STX17: variants seen among roughly 807,000 people sequenced by gnomAD.
The protein encoded by STX17 is syntaxin-17.
A neutral mutation model predicts 35.9 loss-of-function variants in STX17; 29 were observed. That is an observed-to-expected ratio of 0.81 (90% CI 0.60 to 1.10). The LOEUF is 1.10. Among genes scored for constraint, STX17 ranks in the 50% least tolerant of loss-of-function variants. STX17 has a pLI of 0.00. For missense variants in STX17, 312 were observed against 352.3 expected (o/e 0.89, Z 0.92); for synonymous variants, 92 against 118.3 (o/e 0.78, Z 1.44).
chr9:99,968,130 A>T (rs1382017612), intron 7 of STX17, among the ~76,000 whole-genome samples: 1 of 152,212 alleles, frequency 6.6e-6, no homozygotes, highest in Non-Finnish European at 1.5e-5. Context: ...CTTTGGGGGA[A>T]ATCTGTGGCT....
intron 6 of STX17, among the ~76,000 whole-genome samples, chr9:99,964,767 G>T (rs1587942700): frequency 6.6e-6 from 1 of 152,144 alleles, no homozygotes; most frequent in East Asian, 1.9e-4. Context: ...ATAGTGGACA[G>T]GTAGTGACCC....
At chr9:99,962,565 A>G (rs532999980) in intron 6 of STX17, among the ~76,000 whole-genome samples, 3 of 152,328 alleles carry the variant, frequency 2.0e-5, no homozygotes, top group South Asian at 2.1e-4. Flanking sequence ...GTTCTTACTC[A>G]GTACAAACAC....
chr9:99,945,022 A>G (rs1157727511), intron 3 of STX17, among the ~76,000 whole-genome samples: 2 of 152,196 alleles, frequency 1.3e-5, no homozygotes, highest in Non-Finnish European at 2.9e-5. Flanking sequence ...CTTAGTGTAT[A>G]ATCAATTTTT....
At chr9:99,926,101 T>C (rs989341481) in intron 2 of STX17, among the ~76,000 whole-genome samples, 4 of 152,090 alleles carry the variant, frequency 2.6e-5, no homozygotes, top group African/African-American at 9.6e-5. Flanking sequence ...TTGTCTTATC[T>C]GCTATTAATC....
chr9:99,963,592 C>T (rs1015465143), intron 6 of STX17, among the ~76,000 whole-genome samples: 3 of 152,154 alleles, frequency 2.0e-5, no homozygotes, highest in Non-Finnish European at 2.9e-5. Context: ...ATTCTGTTCC[C>T]TTCCACTGAC....
intron 2 of STX17, among the ~76,000 whole-genome samples, chr9:99,922,393 A>G (rs922546607): frequency 6.6e-6 from 1 of 152,196 alleles, no homozygotes; most frequent in Admixed American, 6.5e-5. Flanking sequence ...CATTTTCCCC[A>G]ACGCCTATCT....
intron 3 of STX17, among the ~76,000 whole-genome samples, chr9:99,940,154 C>G (rs1829320781): frequency 6.6e-6 from 1 of 152,014 alleles, no homozygotes; most frequent in South Asian, 2.1e-4. Flanking sequence ...TTTTGAGAGG[C>G]AGTCTCGCTC....
rs1358861287 is a variant in STX17, at chr9:99,971,656, CAGGAATGTTAACT to C, written c.*2987_*2999del. On this transcript the variant is annotated 3_prime_UTR_variant, in exon 8 of 8. Coordinates refer to ENST00000259400, the MANE Select transcript of STX17 (RefSeq NM_017919.3). ...TTACTCAACTACAAAGGGGTGAAGC[CAGGAATGTTAACT>C]AGGTCTGTTGAGCTACAAAAACTTT... 2.0e-5 allele frequency among the ~76,000 whole-genome samples: 3 copies of C among 152,212 alleles called. No homozygotes were observed. Among genetic ancestry groups the C allele is most frequent in the Admixed American group, 2.0e-4 (3 of 15,280 alleles).
At chr9:99,953,335 T>G (rs1201820588) in intron 4 of STX17, among the ~76,000 whole-genome samples, 4 of 152,044 alleles carry the variant, frequency 2.6e-5, no homozygotes, top group Admixed American at 2.0e-4. Flanking sequence ...TACATAAATA[T>G]CTTTTTAGAG....
intron 6 of STX17, 94 bp from the exon 7 acceptor site, chr9:99,967,559 A>G: frequency 9.6e-7 from 1 of 1,040,568 alleles, no homozygotes; most frequent in Non-Finnish European, 1.5e-6. Flanking sequence ...AGGCTGCAGT[A>G]CCCAGGGCCC....
chr9:99,945,773 A>AT (rs755332049), intron 3 of STX17: 5,892 of 316,422 alleles, frequency 0.019, 8 homozygotes, highest in South Asian at 0.028. Context: ...TGGAACAAAA[A>AT]TTTTTTTTTT....
At chr9:99,909,702 A>C (rs544845574) in intron 1 of STX17, among the ~76,000 whole-genome samples, 1 of 152,330 alleles carries the variant, frequency 6.6e-6, no homozygotes, top group African/African-American at 2.4e-5. Context: ...GATGAATAAA[A>C]TATAGTACTT....
At chr9:99,917,698 T>C (rs1828802776) in intron 2 of STX17, among the ~76,000 whole-genome samples, 1 of 152,212 alleles carries the variant, frequency 6.6e-6, no homozygotes, top group Non-Finnish European at 1.5e-5. Context: ...TCTTGGCTAA[T>C]GTAAGATAGA....
chr9:99,918,844 G>A (rs903871709), intron 2 of STX17, among the ~76,000 whole-genome samples: 6 of 152,092 alleles, frequency 3.9e-5, no homozygotes, highest in Non-Finnish European at 5.9e-5. Context: ...TACCTGTTGG[G>A]GTGTGTTTAT....
intron 6 of STX17, among the ~76,000 whole-genome samples, chr9:99,961,906 C>T (rs1378925160): frequency 3.9e-5 from 6 of 152,096 alleles, no homozygotes; most frequent in Admixed American, 3.9e-4. Context: ...GAGGGTCTAA[C>T]TCTTAGAAGG....
At chr9:99,913,676 T>C (rs1828701767) in intron 1 of STX17, among the ~76,000 whole-genome samples, 1 of 152,196 alleles carries the variant, frequency 6.6e-6, no homozygotes, top group Admixed American at 6.5e-5. Context: ...ATGGTCTCTT[T>C]TGGTAATGAA....
intron 3 of STX17, among the ~76,000 whole-genome samples, chr9:99,932,997 C>T (rs1284568547): frequency 1.3e-5 from 2 of 151,982 alleles, no homozygotes; most frequent in Admixed American, 6.6e-5. Context: ...CCTACTTTGG[C>T]GGCTTGTTCA....
intron 3 of STX17, among the ~76,000 whole-genome samples, chr9:99,945,520 T>G (rs1453393218): frequency 6.6e-6 from 1 of 152,144 alleles, no homozygotes; most frequent in Non-Finnish European, 1.5e-5. Flanking sequence ...TTAAGTTTTT[T>G]AAAATTCAGT....
Position 99,928,813 on chromosome 9 carries a change from A to G in STX17, c.159A>G (p.Glu53=). 1 of 1,613,716 alleles carries G rather than the reference A, an allele frequency of 6.2e-7. No individual in the cohort carries two copies. The highest frequency in any genetic ancestry group is 8.5e-7 in the Non-Finnish European group (1 of 1,179,742). ...QRCRIWDKLH[E]EHINAGRTVQ... ...GCAGAATCTGGGACAAGTTGCATGA[A>G]GAGCATATCAATGCAGGACGTACAG... is the stretch of plus-strand genomic sequence containing the variant. Residue 53 remains glutamate (E), a synonymous_variant, in exon 3 of 8, where the codon GAA becomes GAG. Transcript: ENST00000259400.
Sources: gnomAD v4.1 joint callset for allele counts (sites outside exome capture counted in the v4.1 genomes callset) on GRCh38, gnomAD v4.1.1 for gene constraint, MANE v1.5 for transcripts, NCBI Gene and HGNC (gene_info 2026-07-23, HGNC 2026-07-21) for gene names.